ESRP1: variants seen among roughly 807,000 people sequenced by gnomAD.
The protein encoded by ESRP1 is epithelial splicing regulatory protein 1, also known as RNA-binding motif protein 35A.
A neutral mutation model predicts 81.7 loss-of-function variants in ESRP1; 33 were observed. The observed-to-expected ratio is 0.40, with a 90% CI of 0.31 to 0.54. ESRP1 has a LOEUF of 0.54. ESRP1 is among the 20% of genes least tolerant of loss of function. The probability of loss-of-function intolerance (pLI) is 0.41; values close to 1 mark genes in which losing one functional copy is unlikely to be tolerated. For synonymous variants in ESRP1, 320 were observed against 303.3 expected, an observed-to-expected ratio of 1.06 and a Z score of -0.57; for missense variants, 672 against 833.1, an observed-to-expected ratio of 0.81 and a Z score of 2.38.
At chr8:94,655,089 T>G (rs1586185883) in intron 4 of ESRP1, among the ~76,000 whole-genome samples, 1 of 135,614 alleles carries the variant, frequency 7.4e-6, no homozygotes, top group East Asian at 2.4e-4. Context: ...GTGTGTGTGT[T>G]TTGTTTTGTT....
At chr8:94,647,275 G>T (rs1420507543) in intron 4 of ESRP1, among the ~76,000 whole-genome samples, 1 of 152,106 alleles carries the variant, frequency 6.6e-6, no homozygotes, top group African/African-American at 2.4e-5. Flanking sequence ...TTGGGAAGAG[G>T]GTGGAATAAG....
At chr8:94,689,400 G>T (rs1002281206) in intron 13 of ESRP1, among the ~76,000 whole-genome samples, 9 of 151,642 alleles carry the variant, frequency 5.9e-5, no homozygotes, top group Non-Finnish European at 1.2e-4. Flanking sequence ...TATTATTTTT[G>T]ATGCTATAGT....
At chr8:94,687,238 A>G (rs1190981358) in intron 13 of ESRP1, among the ~76,000 whole-genome samples, 1 of 152,122 alleles carries the variant, frequency 6.6e-6, no homozygotes, top group African/African-American at 2.4e-5. Flanking sequence ...TCCAGATAAT[A>G]TTTCAGTTTC....
intron 6 of ESRP1, among the ~76,000 whole-genome samples, chr8:94,663,593 G>A (rs1818867632): frequency 6.6e-6 from 1 of 152,156 alleles, no homozygotes; most frequent in Admixed American, 6.6e-5. Context: ...GGAGAAGTAT[G>A]AAGTGGTGTC....
chr8:94,661,222 G>A (rs1818728432), intron 4 of ESRP1, among the ~76,000 whole-genome samples: 1 of 152,084 alleles, frequency 6.6e-6, no homozygotes, highest in Non-Finnish European at 1.5e-5. Context: ...GGTATTTTTA[G>A]TAGAGATGGG....
At chr8:94,661,828 T>G (rs946552574) in intron 4 of ESRP1, among the ~76,000 whole-genome samples, 1 of 152,182 alleles carries the variant, frequency 6.6e-6, no homozygotes, top group African/African-American at 2.4e-5. Context: ...CAATAATCTG[T>G]GGTGTCCATT....
At chr8:94,675,145 A>G (rs771022532) in intron 12 of ESRP1, among the ~76,000 whole-genome samples, 3 of 151,434 alleles carry the variant, frequency 2.0e-5, no homozygotes, top group African/African-American at 7.2e-5. Context: ...CTGGAATCCT[A>G]TTTGAGGGGA....
Position 94,678,100 on chromosome 8 carries a change from T to A in ESRP1, c.1652-103T>A, listed in dbSNP as rs77128607. 4.1e-3 allele frequency: 5,100 copies of A among 1,258,188 alleles called. 160 individuals carry two copies. The African/African-American group carries it at 0.067, about 16-fold the overall frequency. 77.9% of individuals were successfully genotyped at this position (1,258,188 alleles called of 1,614,324 possible). A position where few individuals can be genotyped will look rare whatever the true frequency, so the allele number is the denominator to read the frequency against. On this transcript the variant is annotated intron_variant, in intron 12 of 15. Coordinates refer to ENST00000433389, the MANE Select transcript of ESRP1 (RefSeq NM_017697.4). Reference sequence around the variant, plus strand: ...ATAGGATAAAGAACTGTGGTCTCTTTCTTTAAAATGTGTAGATGGAACAGT... The same window carrying A: ...ATAGGATAAAGAACTGTGGTCTCTTACTTTAAAATGTGTAGATGGAACAGT...
At chr8:94,702,093 C>T (rs940603880) in intron 15 of ESRP1, among the ~76,000 whole-genome samples, 1 of 152,122 alleles carries the variant, frequency 6.6e-6, no homozygotes, top group Admixed American at 6.5e-5. Context: ...ACAAGTTTTA[C>T]AAACTAAAGT....
rs1809625042 is a variant in ESRP1, at chr8:94,696,837, T to C, written c.1972-15T>C. 1.3e-6 allele frequency: 2 copies of C among 1,556,916 alleles called. No homozygotes were observed. The highest frequency in any genetic ancestry group is 1.7e-6 in the Non-Finnish European group (2 of 1,149,676). The stretch of plus-strand genomic sequence containing the variant: ...GTCCGTCTTTTGATCTTGTTTGTTT[T>C]AACTTGCATTTTAGTATGCAACCGA... On this transcript the variant is annotated splice_polypyrimidine_tract_variant and intron_variant, in intron 14 of 15. Transcript: ENST00000433389.
chr8:94,641,345 G>A lies in ESRP1; in HGVS notation c.27G>A (p.Val9=). 1 of 1,613,818 alleles carries A rather than the reference G, an allele frequency of 6.2e-7. No individual in the cohort carries two copies. Residue 9 remains valine (V), a synonymous_variant, in exon 1 of 16, where the codon GTG becomes GTA. Transcript: ENST00000433389. MTASPDYL[V]VLFGITAGAT... The stretch of plus-strand genomic sequence containing the variant: ...TGACGGCCTCTCCGGATTACTTGGT[G>A]GTGCTTTTTGGGATCACTGCTGGGG...
chr8:94,653,825 G>C (rs908046342), intron 4 of ESRP1, among the ~76,000 whole-genome samples: 1 of 151,956 alleles, frequency 6.6e-6, no homozygotes, highest in Admixed American at 6.6e-5. Flanking sequence ...ATAAAATCAA[G>C]TATACAGTTA....
At chr8:94,658,786 C>T (rs929161558) in intron 4 of ESRP1, among the ~76,000 whole-genome samples, 10 of 152,136 alleles carry the variant, frequency 6.6e-5, no homozygotes, top group African/African-American at 9.7e-5. Context: ...GGTCAATAAC[C>T]GTTTGCTATA....
At position 94,661,144 on chromosome 8, in the gene ESRP1, G is replaced by A. The variant is rs1227116829; in HGVS notation, c.491-1128G>A. ...CAACCTCCACCTCCCGGGTTCAAGC[G>A]ATTCTCTTGCCTCAGCCTCCTGAGT... On this transcript the variant is annotated intron_variant, in intron 4 of 15. Transcript: ENST00000433389. Among the ~76,000 whole-genome samples, 3 of 152,082 alleles carry A rather than the reference G, an allele frequency of 2.0e-5. 1 individual carries two copies. The highest frequency in any genetic ancestry group is 4.4e-5 in the Non-Finnish European group (3 of 68,016).
intron 13 of ESRP1, among the ~76,000 whole-genome samples, chr8:94,686,991 G>A (rs7813657): frequency 0.31 from 46,399 of 151,890 alleles, 8,700 homozygotes; most frequent in East Asian, 0.56. Context: ...TTAGGTGTTC[G>A]GTCATTTTTA....
At chr8:94,643,775 A>G (rs1229057586) in intron 3 of ESRP1, among the ~76,000 whole-genome samples, 6 of 150,614 alleles carry the variant, frequency 4.0e-5, no homozygotes, top group African/African-American at 1.5e-4. Flanking sequence ...AAGCTAATAC[A>G]GAGTGTGAAT....
intron 9 of ESRP1, 53 bp downstream of exon 9, chr8:94,665,249 G>C: frequency 2.6e-6 from 4 of 1,567,482 alleles, no homozygotes. Flanking sequence ...TAAAAATTTT[G>C]CATACTTAAA....
At chr8:94,663,058 A>G (rs1003125721) in intron 6 of ESRP1, among the ~76,000 whole-genome samples, 4 of 152,290 alleles carry the variant, frequency 2.6e-5, no homozygotes, top group Admixed American at 2.0e-4. Context: ...AAATGTAATG[A>G]CTTACTGGCA....
intron 4 of ESRP1, among the ~76,000 whole-genome samples, chr8:94,660,709 C>CAAAAAAAAAAAAAAAAAAAA (rs60316449): frequency 6.9e-5 from 3 of 43,542 alleles, no homozygotes; most frequent in Admixed American, 3.8e-4. Flanking sequence ...GAGACTATCT[C>CAAAAAAAAAAAAAAAAAAAA]AAAAAAAAAA....
Sources: gnomAD v4.1 joint callset for allele counts (sites outside exome capture counted in the v4.1 genomes callset) on GRCh38, gnomAD v4.1.1 for gene constraint, MANE v1.5 for transcripts, NCBI Gene and HGNC (gene_info 2026-07-23, HGNC 2026-07-21) for gene names.